E2F6: variants seen among roughly 807,000 people sequenced by gnomAD.
E2F6 encodes transcription factor E2F6.
Under a neutral mutation model 31.5 loss-of-function variants are expected in E2F6, and 19 were observed. That is an observed-to-expected ratio of 0.60 (90% CI 0.42 to 0.89). The LOEUF is 0.89. Among genes scored for constraint, E2F6 ranks in the 40% least tolerant of loss-of-function variants. The pLI, the probability that E2F6 is intolerant of heterozygous loss-of-function variation, is 0.00. For missense variants in E2F6, 269 were observed against 341.6 expected, an observed-to-expected ratio of 0.79 and a Z score of 1.67; for synonymous variants, 121 against 127.7, an observed-to-expected ratio of 0.95 and a Z score of 0.36.
chr2:11,452,596 C>G (rs906901526), intron 3 of E2F6, among the ~76,000 whole-genome samples: 87 of 151,226 alleles, frequency 5.8e-4, no homozygotes, highest in Middle Eastern at 3.4e-3. Context: ...AGAGCAAGAC[C>G]CCGTCTCAAA....
intron 2 of E2F6, among the ~76,000 whole-genome samples, chr2:11,454,608 C>A (rs138646120): frequency 6.6e-6 from 1 of 151,966 alleles, no homozygotes; most frequent in African/African-American, 2.4e-5. Flanking sequence ...CTCAGCCTCC[C>A]GAAGTACTGG....
At chr2:11,451,484 G>T in intron 4 of E2F6, 167 bp downstream of exon 4, 1 of 581,340 alleles carries the variant, frequency 1.7e-6, no homozygotes, top group Non-Finnish European at 2.7e-6. Flanking sequence ...CCAAGGAGCT[G>T]GGATTACAGC....
chr2:11,450,044 C>T lies in E2F6; in HGVS notation c.619G>A (p.Glu207Lys). The T allele has an allele frequency of 6.2e-7, 1 of 1,613,462 alleles. No homozygotes were observed. Among genetic ancestry groups the T allele is most frequent in the Non-Finnish European group, 8.5e-7 (1 of 1,179,642 alleles). Residue 207 changes from glutamate (E) to lysine (K), a missense_variant, in exon 5 of 7, where the codon GAA (glutamate) becomes AAA (lysine). Coordinates refer to ENST00000381525, the MANE Select transcript of E2F6 (RefSeq NM_198256.4). ...GGAGCTGGAACATCCAATCTGGTTTCTGCTGGAGCTTTAACTGCAATGACG... is the reference window on the plus strand; with the variant it reads ...GGAGCTGGAACATCCAATCTGGTTTTTGCTGGAGCTTTAACTGCAATGACG... ...QIVIAVKAPA[E>K]TRLDVPAPRE...
chr2:11,447,493 G>GT, intron 6 of E2F6, 134 bp downstream of exon 6: 2 of 944,620 alleles, frequency 2.1e-6, no homozygotes, highest in African/African-American at 1.7e-5. Context: ...CTAAACTACA[G>GT]TAAGAGTTAT....
intron 6 of E2F6, among the ~76,000 whole-genome samples, chr2:11,447,296 CAG>C (rs1670777874): frequency 6.6e-6 from 1 of 152,158 alleles, no homozygotes; most frequent in South Asian, 2.1e-4. Context: ...CCAAGATGTG[CAG>C]AAGGGGAAGT....
At chr2:11,460,314 C>A (rs4436932) in intron 1 of E2F6, among the ~76,000 whole-genome samples, 35,958 of 63,324 alleles carry the variant, frequency 0.57, 4,486 homozygotes, top group African/African-American at 0.58. Flanking sequence ...TCAAATTTTC[C>A]TTATTTTTCA....
At position 11,444,778 on chromosome 2, in the gene E2F6, A is replaced by C. The variant is rs1572481587; in HGVS notation, c.*1699T>G. 2 of 152,270 alleles carry C rather than the reference A, an allele frequency of 1.3e-5. No individual in the cohort carries two copies. Among genetic ancestry groups the C allele is most frequent in the East Asian group, 3.9e-4 (2 of 5,192 alleles). The allele number at this position is 152,270 out of a possible 1,614,324, so 9.4% of individuals were successfully genotyped here. ...AGCACCTGACCTACATACACACAAC[A>C]ACCTGCTCAACTCTTGCTTTCATCA... On this transcript the variant is annotated 3_prime_UTR_variant, in exon 7 of 7. Transcript: ENST00000381525.
intron 3 of E2F6, among the ~76,000 whole-genome samples, 189 bp from the exon 4 acceptor site, chr2:11,451,995 T>C (rs1254247374): frequency 6.6e-6 from 1 of 152,254 alleles, no homozygotes; most frequent in African/African-American, 2.4e-5. Context: ...AAATTATTTA[T>C]AGTTCTTCAT....
At chr2:11,447,549 T>A (rs1572486083) in intron 6 of E2F6, 78 bp downstream of exon 6, 3 of 1,481,040 alleles carry the variant, frequency 2.0e-6, no homozygotes. Flanking sequence ...AGAGTAAAAA[T>A]ATCTTAAGGC....
intron 1 of E2F6, chr2:11,458,395 T>G (rs1403698626): frequency 4.5e-6 from 7 of 1,542,868 alleles, no homozygotes; most frequent in Admixed American, 2.0e-5. Context: ...GTACCGGAAA[T>G]GAACAAAGGT....
chr2:11,449,236 C>A (rs4292073), intron 5 of E2F6, among the ~76,000 whole-genome samples: 68,222 of 152,032 alleles, frequency 0.45, 15,859 homozygotes, highest in East Asian at 0.61. Flanking sequence ...CCAGCCCTTA[C>A]CCCATACACT....
intron 2 of E2F6, among the ~76,000 whole-genome samples, chr2:11,456,471 A>G (rs1572504023): frequency 6.6e-6 from 1 of 152,284 alleles, no homozygotes; most frequent in South Asian, 2.1e-4. Flanking sequence ...AAGAGATTCA[A>G]CCCTGACTCT....
At chr2:11,452,167 C>T (rs1212700000) in intron 3 of E2F6, among the ~76,000 whole-genome samples, 4 of 152,194 alleles carry the variant, frequency 2.6e-5, no homozygotes, top group Admixed American at 6.5e-5. Context: ...AAGTTATAAT[C>T]GTACAGTACT....
In E2F6 at chr2:11,446,415, T is replaced by A; in HGVS notation, c.*62A>T. The A allele has an allele frequency of 2.4e-6, 3 of 1,225,076 alleles. No homozygotes were observed. The highest frequency in any genetic ancestry group is 1.2e-5 in the South Asian group (1 of 80,944). 75.9% of individuals were successfully genotyped at this position (1,225,076 alleles called of 1,614,324 possible). ...TTATTGCTCTGAGAATCAAATTTGATGCGTAATTCTCCACGAAGATATTCC... is the reference window on the plus strand; with the variant it reads ...TTATTGCTCTGAGAATCAAATTTGAAGCGTAATTCTCCACGAAGATATTCC... On this transcript the variant is annotated 3_prime_UTR_variant, in exon 7 of 7. Coordinates refer to ENST00000381525, the MANE Select transcript of E2F6 (RefSeq NM_198256.4).
chr2:11,458,361 G>A (rs1197892363), intron 1 of E2F6: 2 of 1,551,648 alleles, frequency 1.3e-6, no homozygotes, highest in Non-Finnish European at 1.7e-6. Context: ...ACTGTGGGGA[G>A]AGAAGAAAAA....
intron 3 of E2F6, 123 bp from the exon 4 acceptor site, chr2:11,451,929 G>C (rs1173752571): frequency 2.2e-6 from 2 of 917,266 alleles, no homozygotes; most frequent in East Asian, 5.3e-5. Context: ...ATAGAAACTA[G>C]GGACTTTTAA....
At chr2:11,447,050 C>G (rs550233156) in intron 6 of E2F6, among the ~76,000 whole-genome samples, 1 of 152,292 alleles carries the variant, frequency 6.6e-6, no homozygotes, top group Admixed American at 6.5e-5. Flanking sequence ...CTGCCCAGGC[C>G]GGTCACAGGA....
chr2:11,450,708 T>C (rs1231593728), intron 4 of E2F6, among the ~76,000 whole-genome samples: 2 of 152,202 alleles, frequency 1.3e-5, no homozygotes, highest in African/African-American at 4.8e-5. Flanking sequence ...TTGCCTCAAA[T>C]TTTACCAATT....
At chr2:11,459,540 C>T (rs1671633522) in intron 1 of E2F6, among the ~76,000 whole-genome samples, 1 of 152,042 alleles carries the variant, frequency 6.6e-6, no homozygotes, top group Non-Finnish European at 1.5e-5. Flanking sequence ...GGAATCACAA[C>T]AGTACCATTG....
Sources: gnomAD v4.1 joint callset for allele counts (sites outside exome capture counted in the v4.1 genomes callset) on GRCh38, gnomAD v4.1.1 for gene constraint, MANE v1.5 for transcripts, NCBI Gene and HGNC (gene_info 2026-07-23, HGNC 2026-07-21) for gene names.